The following PTK2B variants were observed in gnomAD, a reference collection of about 807,000 sequenced individuals.
The protein encoded by PTK2B is protein tyrosine kinase 2 beta.
A neutral mutation model predicts 142.9 loss-of-function variants in PTK2B; 71 were observed. That is an observed-to-expected ratio of 0.50 (90% CI 0.41 to 0.61). PTK2B has a LOEUF of 0.61. Ranked by LOEUF, PTK2B falls within the 20% of genes least tolerant of loss-of-function variation. The pLI is 0.00. For synonymous variants in PTK2B, 519 were observed against 503.4 expected, an observed-to-expected ratio of 1.03 and a Z score of -0.42; for missense variants, 1,105 against 1,320.4, an observed-to-expected ratio of 0.84 and a Z score of 2.53.
chr8:27,448,459 A>AT (rs1811611606), intron 24 of PTK2B, among the ~76,000 whole-genome samples: 1 of 152,160 alleles, frequency 6.6e-6, no homozygotes, highest in Non-Finnish European at 1.5e-5. Context: ...TTGAGTGTTC[A>AT]TTTTTCTCCT....
intron 2 of PTK2B, among the ~76,000 whole-genome samples, chr8:27,415,437 G>A (rs1266210519): frequency 1.3e-5 from 2 of 152,216 alleles, no homozygotes; most frequent in Admixed American, 1.3e-4. Context: ...AAAATGATGG[G>A]ATAGCTTGGC....
At chr8:27,433,835 C>T (rs1046221929) in intron 11 of PTK2B, among the ~76,000 whole-genome samples, 6 of 152,190 alleles carry the variant, frequency 3.9e-5, no homozygotes, top group Non-Finnish European at 8.8e-5. Flanking sequence ...AGGCTGGTCC[C>T]GCCTGTGTGT....
chr8:27,397,557 G>A lies in PTK2B; in HGVS notation c.-28G>A, dbSNP rs749202034. The A allele has an allele frequency of 6.2e-6, 10 of 1,609,738 alleles. No homozygotes were observed. Among genetic ancestry groups the A allele is most frequent in the East Asian group, 2.2e-5 (1 of 44,876 alleles). On this transcript the variant is annotated 5_prime_UTR_variant, in exon 2 of 31. The change creates a new upstream start codon in the 5' untranslated region. Coordinates refer to ENST00000346049, the MANE Select transcript of PTK2B (RefSeq NM_173176.3). ...TCTGCTGTCTCTGCAGGACTGCAAT[G>A]TGCCGATCTTAGCTGCTGCCTGAGA...
At chr8:27,343,200 TTTGTTTGTTTG>T (rs1375137717) in intron 1 of PTK2B, among the ~76,000 whole-genome samples, 1 of 152,180 alleles carries the variant, frequency 6.6e-6, no homozygotes, top group Non-Finnish European at 1.5e-5. Context: ...TTGATCCTTC[TTTGTTTGTTTG>T]TTGTTTGTTT....
At position 27,422,401 on chromosome 8, in the gene PTK2B, C is replaced by T. The variant is rs1190536217; in HGVS notation, c.551+18C>T. 6 of 1,600,072 alleles carry T rather than the reference C, an allele frequency of 3.7e-6. No homozygotes were observed. Among genetic ancestry groups the T allele is most frequent in the South Asian group, 2.2e-5 (2 of 89,368 alleles). ...GAGCTCAGGTATGTGGCCCTGAGGC[C>T]TCTGCTGGGAGGGCGCTGTGCTGAG... On this transcript the variant is annotated intron_variant, in intron 5 of 30. Coordinates refer to ENST00000346049, the MANE Select transcript of PTK2B (RefSeq NM_173176.3).
chr8:27,386,960 C>T (rs1807402619), intron 1 of PTK2B, among the ~76,000 whole-genome samples: 1 of 151,526 alleles, frequency 6.6e-6, no homozygotes, highest in South Asian at 2.1e-4. Flanking sequence ...TCCTACATAT[C>T]CATGACTATA....
chr8:27,446,895 T>C (rs1811507139), intron 24 of PTK2B, among the ~76,000 whole-genome samples: 1 of 152,250 alleles, frequency 6.6e-6, no homozygotes, highest in Non-Finnish European at 1.5e-5. Context: ...AAATCAATTT[T>C]CCTCTGACCT....
At chr8:27,420,834 C>T in intron 4 of PTK2B, 90 bp downstream of exon 4, 1 of 1,248,126 alleles carries the variant, frequency 8.0e-7, no homozygotes, top group Non-Finnish European at 1.1e-6. Context: ...GATGGAAAGA[C>T]AAAGCCCAGA....
intron 1 of PTK2B, among the ~76,000 whole-genome samples, chr8:27,348,603 C>G (rs1335063799): frequency 6.6e-6 from 1 of 152,144 alleles, no homozygotes; most frequent in Non-Finnish European, 1.5e-5. Context: ...CTCTTTGCAG[C>G]TAGAGGAAGG....
At chr8:27,393,359 G>A (rs1807839374) in intron 1 of PTK2B, among the ~76,000 whole-genome samples, 2 of 152,228 alleles carry the variant, frequency 1.3e-5, no homozygotes, top group Admixed American at 1.3e-4. Context: ...CAGGCTGAAG[G>A]TAGAGGTAGA....
At chr8:27,439,421 A>G (rs376498413) in intron 20 of PTK2B, 23 bp downstream of exon 20, 79 of 1,599,428 alleles carry the variant, frequency 4.9e-5, no homozygotes, top group Admixed American at 1.5e-4. Context: ...TTGGGAGGGC[A>G]TGAAAAGGTG....
At chr8:27,360,371 C>CATGCTG (rs2130745462) in intron 1 of PTK2B, among the ~76,000 whole-genome samples, 1 of 152,368 alleles carries the variant, frequency 6.6e-6, no homozygotes, top group South Asian at 2.1e-4. Flanking sequence ...GAAGGAAAGT[C>CATGCTG]ATGCTGATGC....
intron 5 of PTK2B, among the ~76,000 whole-genome samples, chr8:27,423,913 G>A (rs1428891395): frequency 6.6e-6 from 1 of 152,226 alleles, no homozygotes; most frequent in South Asian, 2.1e-4. Context: ...TACAGAGGAG[G>A]CCTGTGGTCC....
intron 2 of PTK2B, among the ~76,000 whole-genome samples, chr8:27,413,540 G>T (rs1304599951): frequency 6.6e-6 from 1 of 152,138 alleles, no homozygotes; most frequent in Non-Finnish European, 1.5e-5. Context: ...TGGGTCTCTG[G>T]TCTCATGACT....
At chr8:27,340,699 G>A (rs1804344333) in intron 1 of PTK2B, among the ~76,000 whole-genome samples, 1 of 152,272 alleles carries the variant, frequency 6.6e-6, no homozygotes, top group Non-Finnish European at 1.5e-5. Context: ...CTGGGCATGG[G>A]CAGACAGGCA....
chr8:27,404,789 C>G (rs1808600640), intron 2 of PTK2B, among the ~76,000 whole-genome samples: 2 of 152,182 alleles, frequency 1.3e-5, no homozygotes, highest in Admixed American at 1.3e-4. Flanking sequence ...TCTATTGTTA[C>G]TCAACCAGAC....
At chr8:27,434,641 C>A in intron 13 of PTK2B, 82 bp downstream of exon 13, 2 of 1,431,090 alleles carry the variant, frequency 1.4e-6, no homozygotes, top group East Asian at 2.5e-5. Flanking sequence ...GTGACATTGC[C>A]GAGGGTTTCC....
At chr8:27,433,354 C>T in intron 10 of PTK2B, 81 bp from the exon 11 acceptor site, 1 of 1,243,704 alleles carries the variant, frequency 8.0e-7, no homozygotes, top group Non-Finnish European at 1.2e-6. Context: ...GGCAGGGGTC[C>T]TGCCATCTCT....
In PTK2B at chr8:27,439,025, T is replaced by G; in HGVS notation, c.1644-6T>G. The G allele has an allele frequency of 1.2e-6, 2 of 1,612,458 alleles. No individual in the cohort carries two copies. The highest frequency in any genetic ancestry group is 1.7e-4 in the Middle Eastern group (1 of 6,058). On this transcript the variant is annotated splice_region_variant and splice_polypyrimidine_tract_variant and intron_variant, in intron 18 of 30. Transcript: ENST00000346049. ...CCTCATCCTGGTCTTGATGCCCTTC[T>G]TCCAGGGACATTGCTGTCCGGAACA...
Sources: gnomAD v4.1 joint callset for allele counts (sites outside exome capture counted in the v4.1 genomes callset) on GRCh38, gnomAD v4.1.1 for gene constraint, MANE v1.5 for transcripts, NCBI Gene and HGNC (gene_info 2026-07-23, HGNC 2026-07-21) for gene names.